The following PPFIBP1 variants were observed in gnomAD, a reference collection of about 807,000 sequenced individuals.
The protein encoded by PPFIBP1 is liprin-beta-1.
Under a neutral mutation model 137.8 loss-of-function variants are expected in PPFIBP1, and 112 were observed. The ratio of observed to expected loss-of-function variants is 0.81; its 90% CI spans 0.70 to 0.95. The LOEUF (loss-of-function observed/expected upper bound fraction) is 0.95. Among genes scored for constraint, PPFIBP1 ranks in the 40% least tolerant of loss-of-function variants. PPFIBP1 has a pLI of 0.00. For missense variants in PPFIBP1, 1,083 were observed against 1,196.6 expected, an observed-to-expected ratio of 0.91 and a Z score of 1.40; for synonymous variants, 378 against 417.3, an observed-to-expected ratio of 0.91 and a Z score of 1.15.
intron 2 of PPFIBP1, among the ~76,000 whole-genome samples, chr12:27,612,698 T>C (rs533648665): frequency 6.6e-6 from 1 of 152,228 alleles, no homozygotes; most frequent in African/African-American, 2.4e-5. Context: ...CAGCACGTCA[T>C]GTGCTAATGT....
chr12:27,652,441 T>A (rs1224390728), intron 7 of PPFIBP1, among the ~76,000 whole-genome samples: 4 of 152,226 alleles, frequency 2.6e-5, no homozygotes, highest in Non-Finnish European at 4.4e-5. Context: ...GGAACAGGAA[T>A]TTTCTTTTTT....
intron 27 of PPFIBP1, 46 bp downstream of exon 27, chr12:27,689,249 A>C (rs541677392): frequency 6.7e-7 from 1 of 1,490,550 alleles, no homozygotes; most frequent in East Asian, 2.4e-5. Context: ...GCGCAAAGGC[A>C]ACGTTTTGTC....
intron 2 of PPFIBP1, among the ~76,000 whole-genome samples, chr12:27,627,121 C>A (rs1459110488): frequency 1.3e-5 from 2 of 152,144 alleles, no homozygotes; most frequent in African/African-American, 4.8e-5. Context: ...CATTCCAATT[C>A]TTTTAGTTAT....
chr12:27,563,276 C>CT (rs1435852380), intron 1 of PPFIBP1, among the ~76,000 whole-genome samples: 1 of 14,830 alleles, frequency 6.7e-5, no homozygotes, highest in Non-Finnish European at 1.1e-4. Flanking sequence ...CCCATCTCTA[C>CT]TAAAAAAAAA....
chr12:27,612,641 G>A (rs1040354488), intron 2 of PPFIBP1, among the ~76,000 whole-genome samples: 7 of 151,920 alleles, frequency 4.6e-5, no homozygotes, highest in African/African-American at 1.2e-4. Context: ...GAGCCACAGC[G>A]CCCGGCTCCA....
chr12:27,565,289 T>C (rs775621151), intron 1 of PPFIBP1, among the ~76,000 whole-genome samples: 3 of 152,212 alleles, frequency 2.0e-5, no homozygotes, highest in Non-Finnish European at 4.4e-5. Flanking sequence ...GCAGCACTCA[T>C]TGGAGTCCGG....
chr12:27,692,000 T>C, intron 28 of PPFIBP1, 72 bp downstream of exon 28: 2 of 1,286,284 alleles, frequency 1.6e-6, no homozygotes, highest in Non-Finnish European at 1.1e-6. Flanking sequence ...CTTTGTATAC[T>C]GTGTCTGATC....
chr12:27,538,822 T>C (rs919631599), intron 1 of PPFIBP1, among the ~76,000 whole-genome samples: 3 of 152,242 alleles, frequency 2.0e-5, no homozygotes, highest in African/African-American at 7.2e-5. Context: ...TGGAGTTAGA[T>C]GGACCTCATT....
rs1555253438 is a variant in PPFIBP1, at chr12:27,695,120, A to AATTTT, written c.*2238_*2239insATTTT. The AATTTT allele has an allele frequency of 6.8e-6, 1 of 146,642 alleles. No individual in the cohort carries two copies. Among genetic ancestry groups the AATTTT allele is most frequent in the African/African-American group, 2.5e-5 (1 of 40,028 alleles). The allele number at this position is 146,642 out of a possible 1,614,324, so 9.1% of individuals were successfully genotyped here. Reference sequence around the variant, plus strand: ...ATACCAGGAAACTGTTACAGACGCCATTTTTTTTTTTTTTGAGACGGAGTC... The same window carrying AATTTT: ...ATACCAGGAAACTGTTACAGACGCCAATTTTTTTTTTTTTTTTTTGAGACGGAGTC... On this transcript the variant is annotated 3_prime_UTR_variant, in exon 30 of 30. Transcript: ENST00000228425.
intron 2 of PPFIBP1, among the ~76,000 whole-genome samples, chr12:27,625,313 A>G (rs2056721922): frequency 6.6e-6 from 1 of 152,174 alleles, no homozygotes; most frequent in Non-Finnish European, 1.5e-5. Flanking sequence ...CCCATTTTCA[A>G]CAATTATCAA....
At chr12:27,642,324 G>T (rs73294062) in intron 4 of PPFIBP1, among the ~76,000 whole-genome samples, 1 of 152,178 alleles carries the variant, frequency 6.6e-6, no homozygotes, top group Non-Finnish European at 1.5e-5. Flanking sequence ...GATTGAATGC[G>T]GTCAATAAGG....
At chr12:27,594,176 T>A in intron 2 of PPFIBP1, 4 of 176,100 alleles carry the variant, frequency 2.3e-5, no homozygotes, top group Non-Finnish European at 4.1e-5. Context: ...CCTTTTCTAT[T>A]TTTTTTTTTT....
At chr12:27,537,344 G>C (rs890495291) in intron 1 of PPFIBP1, among the ~76,000 whole-genome samples, 4 of 152,114 alleles carry the variant, frequency 2.6e-5, no homozygotes, top group Admixed American at 1.3e-4. Flanking sequence ...TGTTGGCCAG[G>C]CTGGTCTCAA....
intron 4 of PPFIBP1, among the ~76,000 whole-genome samples, chr12:27,640,752 T>G (rs1321967436): frequency 1.3e-5 from 2 of 152,102 alleles, no homozygotes; most frequent in African/African-American, 4.8e-5. Context: ...GATGCCTTAT[T>G]ATGGTATTGA....
At chr12:27,643,538 G>A (rs1442749581) in intron 4 of PPFIBP1, among the ~76,000 whole-genome samples, 1 of 129,652 alleles carries the variant, frequency 7.7e-6, no homozygotes, top group African/African-American at 3.3e-5. Flanking sequence ...CTTAAGGAAT[G>A]GGGAAAGAAG....
At chr12:27,619,153 C>T (rs555055887) in intron 2 of PPFIBP1, among the ~76,000 whole-genome samples, 24 of 152,066 alleles carry the variant, frequency 1.6e-4, no homozygotes, top group East Asian at 5.8e-4. Context: ...TGGGTATCCA[C>T]GGGGAGTTGG....
At chr12:27,550,993 T>TA (rs1565751277) in intron 1 of PPFIBP1, among the ~76,000 whole-genome samples, 68 of 93,994 alleles carry the variant, frequency 7.2e-4, no homozygotes, top group Admixed American at 2.3e-3. Context: ...ATATATATAT[T>TA]TTTTTTTTTT....
At chr12:27,646,278 C>A in intron 5 of PPFIBP1, 130 bp downstream of exon 5, 1 of 736,810 alleles carries the variant, frequency 1.4e-6, no homozygotes, top group East Asian at 2.8e-5. Flanking sequence ...GCCATCTGTA[C>A]ACAATAGGGA....
chr12:27,584,714 A>T (rs1198106697), intron 2 of PPFIBP1, among the ~76,000 whole-genome samples: 1 of 152,256 alleles, frequency 6.6e-6, no homozygotes, highest in Non-Finnish European at 1.5e-5. Flanking sequence ...AGATGAAGAC[A>T]GGCAAGGAAA....
Sources: allele counts gnomAD v4.1 joint callset (sites outside exome capture counted in the v4.1 genomes callset), GRCh38; gene constraint gnomAD v4.1.1; transcripts MANE v1.5; gene names NCBI Gene and HGNC (gene_info 2026-07-23, HGNC 2026-07-21).